ZNF668: variants seen among roughly 807,000 people sequenced by gnomAD.
ZNF668 encodes the protein zinc finger protein 668.
A neutral mutation model predicts 40.3 loss-of-function variants in ZNF668; 10 were observed. The observed-to-expected ratio is 0.25, with a 90% CI of 0.15 to 0.42. The LOEUF (loss-of-function observed/expected upper bound fraction) is 0.42. ZNF668 is among the 10% of genes least tolerant of loss of function. The probability of loss-of-function intolerance (pLI) is 1.00; values close to 1 mark genes in which losing one functional copy is unlikely to be tolerated. For missense variants in ZNF668, 749 were observed against 904.6 expected, an observed-to-expected ratio of 0.83 and a Z score of 2.21; for synonymous variants, 428 against 384.6, an observed-to-expected ratio of 1.11 and a Z score of -1.32.
intron 1 of ZNF668, among the ~76,000 whole-genome samples, chr16:31,066,658 T>A (rs757951464): frequency 2.0e-5 from 3 of 147,976 alleles, no homozygotes; most frequent in Non-Finnish European, 4.5e-5. Context: ...AGTTCAAGGC[T>A]GTACCACTGC....
At chr16:31,064,596 C>A (rs1475635768) in intron 1 of ZNF668, 115 bp from the exon 2 acceptor site, 1 of 1,546,904 alleles carries the variant, frequency 6.5e-7, no homozygotes, top group Admixed American at 1.9e-5. Flanking sequence ...ATCCTTCCTG[C>A]CCAGCATTCC....
At position 31,062,284 on chromosome 16, in the gene ZNF668, C is replaced by A. The variant is rs199875374; in HGVS notation, c.648-4G>T. On this transcript the variant is annotated splice_polypyrimidine_tract_variant and splice_region_variant and intron_variant, in intron 2 of 2. Transcript: ENST00000300849. The stretch of plus-strand genomic sequence containing the variant: ...GGGGCGCTCGCCGGTGTGGGACCTG[C>A]GGGGGTGTGGAGGACTTGGCATGAA... 64 of 1,591,096 alleles carry A rather than the reference C, an allele frequency of 4.0e-5. No individual in the cohort carries two copies. The highest frequency in any genetic ancestry group is 5.5e-5 in the Non-Finnish European group (64 of 1,169,542).
chr16:31,064,711 A>G (rs1288237952), intron 1 of ZNF668: 2 of 1,534,706 alleles, frequency 1.3e-6, no homozygotes, highest in Non-Finnish European at 1.7e-6. Flanking sequence ...GAGGGTCACA[A>G]AAGATTCACC....
chr16:31,065,890 G>C, intron 1 of ZNF668: 1 of 291,268 alleles, frequency 3.4e-6, no homozygotes, highest in Non-Finnish European at 5.1e-6. Context: ...TCCTCATCTG[G>C]ACACGTTAGG....
Position 31,061,776 on chromosome 16 carries a change from C to A in ZNF668, c.1152G>T (p.Arg384=), listed in dbSNP as rs772370523. The A allele has an allele frequency of 4.3e-6, 7 of 1,611,814 alleles. No individual in the cohort carries two copies. Among genetic ancestry groups the A allele is most frequent in the Non-Finnish European group, 5.9e-6 (7 of 1,179,614 alleles). Residue 384 remains arginine, a synonymous_variant, in exon 3 of 3, where the codon CGG becomes CGT. Coordinates refer to ENST00000300849, the MANE Select transcript of ZNF668 (RefSeq NM_024706.5). This position sits in a 1 kb window ranked among gnomAD's most constrained non-coding sequence, Gnocchi z 7.7. The part of the protein sequence containing the change: ...AERASLTKHS[R]VHSGERPFHC... ...GGAAGGGGCGCTCCCCCGAGTGCAC[C>A]CGGCTATGCTTCGTGAGGCTGGCAC...
chr16:31,062,950 C>A (rs1420592270), intron 2 of ZNF668: 1 of 151,750 alleles, frequency 6.6e-6, no homozygotes, highest in African/African-American at 2.4e-5. Context: ...CAAAATTAGC[C>A]GGGCATGGTG....
intron 1 of ZNF668, chr16:31,066,187 A>C: frequency 1.0e-6 from 1 of 985,272 alleles, no homozygotes; most frequent in South Asian, 4.7e-5. Context: ...GTAATGAATG[A>C]TGTTTCCTGT....
chr16:31,062,572 G>A (rs983826881), intron 2 of ZNF668: 5 of 343,244 alleles, frequency 1.5e-5, no homozygotes, highest in African/African-American at 6.4e-5. Context: ...AGACCATCCC[G>A]GCTAACACGG....
intron 1 of ZNF668, chr16:31,066,014 G>T (rs11647284): frequency 4.2e-5 from 41 of 984,992 alleles, no homozygotes; most frequent in Non-Finnish European, 4.7e-5. Flanking sequence ...AGGAAAGGGC[G>T]GGAGAAGCAG....
chr16:31,064,607 T>C, intron 1 of ZNF668, 126 bp from the exon 2 acceptor site: 1 of 1,541,896 alleles, frequency 6.5e-7, no homozygotes, highest in Non-Finnish European at 8.7e-7. Context: ...CCAGCATTCC[T>C]GGCTCTGACA....
chr16:31,068,365 G>A (rs1258476577), intron 1 of ZNF668, among the ~76,000 whole-genome samples: 1 of 149,328 alleles, frequency 6.7e-6, no homozygotes, highest in Non-Finnish European at 1.5e-5. Context: ...TGGGACTACA[G>A]GCACCTGCCA....
intron 1 of ZNF668, among the ~76,000 whole-genome samples, chr16:31,068,264 A>ATATATATATATATATATATG (rs759680502): frequency 1.8e-5 from 2 of 111,782 alleles, no homozygotes; most frequent in African/African-American, 3.1e-5. Context: ...ATATATATAT[A>ATATATATATATATATATATG]TAATTTTTGA....
intron 1 of ZNF668, chr16:31,066,051 CAGG>C: frequency 1.0e-6 from 1 of 985,358 alleles, no homozygotes; most frequent in Non-Finnish European, 1.2e-6. Context: ...AGGGAGGACA[CAGG>C]AGCCCCTGAC....
At position 31,061,395 on chromosome 16, in the gene ZNF668, C is replaced by T; in HGVS notation, c.1533G>A (p.Glu511=). The change falls in exon 3 of 3, where the codon GAG becomes GAA. Residue 511 remains glutamate (E), a synonymous_variant. Coordinates refer to ENST00000300849, the MANE Select transcript of ZNF668 (RefSeq NM_024706.5). The surrounding 1 kb of genome is among the most constrained non-coding windows in gnomAD (Gnocchi z 7.7). ...AGEAGGEEAD[E]KPPQFVCREC... The stretch of plus-strand genomic sequence containing the variant: ...CTCGGCACACAAACTGGGGGGGCTT[C>T]TCGTCAGCCTCCTCACCCCCCGCCT... 6.2e-7 allele frequency: 1 copy of T among 1,613,836 alleles called. No homozygotes were observed. Among genetic ancestry groups the T allele is most frequent in the Non-Finnish European group, 8.5e-7 (1 of 1,179,896 alleles).
intron 1 of ZNF668, among the ~76,000 whole-genome samples, chr16:31,070,632 C>A (rs1022242651): frequency 5.3e-5 from 8 of 152,124 alleles, no homozygotes; most frequent in Admixed American, 4.6e-4. Context: ...CCTCCGCCTC[C>A]CCGGTTCACG....
intron 1 of ZNF668, 78 bp from the exon 2 acceptor site, chr16:31,064,559 C>T (rs753480268): frequency 5.4e-5 from 86 of 1,585,442 alleles, no homozygotes; most frequent in Admixed American, 7.0e-5. Flanking sequence ...CCTATCTCAT[C>T]TGCATTTCTC....
At chr16:31,062,406 C>T in intron 2 of ZNF668, 126 bp from the exon 3 acceptor site, 2 of 1,338,048 alleles carry the variant, frequency 1.5e-6, no homozygotes, top group South Asian at 1.5e-5. Flanking sequence ...CCCCTAAGAG[C>T]CACATGGCTG....
At chr16:31,069,906 C>T (rs1378475080) in intron 1 of ZNF668, among the ~76,000 whole-genome samples, 1 of 151,002 alleles carries the variant, frequency 6.6e-6, no homozygotes, top group Admixed American at 6.6e-5. Context: ...TCCTGAGTAG[C>T]TGGGACTACA....
At chr16:31,068,239 A>AAAAAATAT (rs1473353128) in intron 1 of ZNF668, among the ~76,000 whole-genome samples, 16 of 82,988 alleles carry the variant, frequency 1.9e-4, no homozygotes, top group East Asian at 1.8e-3. Flanking sequence ...AAAAAAAAAA[A>AAAAAATAT]ATATATATAT....
Sources: allele counts gnomAD v4.1 joint callset (sites outside exome capture counted in the v4.1 genomes callset), GRCh38; gene constraint gnomAD v4.1.1; non-coding constraint Gnocchi (gnomAD v3.1); transcripts MANE v1.5; gene names NCBI Gene and HGNC (gene_info 2026-07-23, HGNC 2026-07-21).